The following F13A1 variants were observed in gnomAD, a reference collection of about 807,000 sequenced individuals.
F13A1 encodes FSF, A subunit.
F13A1 carries 47 observed loss-of-function variants against 80.1 expected under a neutral mutation model. That is an observed-to-expected ratio of 0.59 (90% confidence interval 0.46 to 0.75). F13A1 has a LOEUF of 0.75. Ranked by LOEUF, F13A1 falls within the 30% of genes least tolerant of loss-of-function variation. The probability of loss-of-function intolerance (pLI) is 0.00; values close to 1 mark genes in which losing one functional copy is unlikely to be tolerated. For missense variants in F13A1, 817 were observed against 930.4 expected, an observed-to-expected ratio of 0.88 and a Z score of 1.59; for synonymous variants, 349 against 344.9, an observed-to-expected ratio of 1.01 and a Z score of -0.13.
rs1757908024 is a variant in F13A1, at chr6:6,270,598, A to G, written c.320-3789T>C. The stretch of plus-strand genomic sequence containing the variant: ...TGTGAGGAAATTTTTACAGATGGGA[A>G]ACTGAGGCTTGGTGAGGGCGTCATG... On this transcript the variant is annotated intron_variant, in intron 3 of 14. Coordinates refer to ENST00000264870, the MANE Select transcript of F13A1 (RefSeq NM_000129.4). Among the ~76,000 whole-genome samples, 5 of 152,180 alleles carry G rather than the reference A, an allele frequency of 3.3e-5. No homozygotes were observed. In the South Asian group the frequency reaches 1.0e-3, roughly 32 times the overall value.
intron 8 of F13A1, among the ~76,000 whole-genome samples, chr6:6,221,386 T>A (rs1258330234): frequency 6.6e-6 from 1 of 152,186 alleles, no homozygotes; most frequent in Non-Finnish European, 1.5e-5. Flanking sequence ...TATATCTCAA[T>A]GAAAGGTGAC....
chr6:6,204,523 C>T (rs1054672464), intron 8 of F13A1, among the ~76,000 whole-genome samples: 1 of 152,204 alleles, frequency 6.6e-6, no homozygotes, highest in Non-Finnish European at 1.5e-5. Context: ...ATTCCGAATA[C>T]AGACAACAAT....
chr6:6,317,164 T>C (rs192808789), intron 2 of F13A1, among the ~76,000 whole-genome samples: 12 of 152,340 alleles, frequency 7.9e-5, no homozygotes, highest in Non-Finnish European at 1.3e-4. Context: ...AATAATTTGA[T>C]ATCTGTAGGC....
intron 10 of F13A1, among the ~76,000 whole-genome samples, chr6:6,191,095 C>A (rs62408006): frequency 2.3e-5 from 3 of 131,132 alleles, no homozygotes; most frequent in African/African-American, 8.6e-5. Flanking sequence ...GCGCACGGTG[C>A]GTGCACCCAC....
chr6:6,314,256 A>G (rs1222492765), intron 2 of F13A1, among the ~76,000 whole-genome samples: 1 of 152,098 alleles, frequency 6.6e-6, no homozygotes, highest in Admixed American at 6.5e-5. Context: ...CTGGGGTTAC[A>G]AGCATGAGCC....
chr6:6,148,156 A>G (rs1760316794), intron 14 of F13A1, among the ~76,000 whole-genome samples: 1 of 152,238 alleles, frequency 6.6e-6, no homozygotes. Context: ...AGCAAAATAA[A>G]TCTGGAAGAT....
In F13A1 at chr6:6,279,868, A is replaced by G. The variant is rs115256987; in HGVS notation, c.320-13059T>C. ...AGTTTAGCTGAATGTCTTCCAAACA[A>G]AACAGGCCAACTGATGACATTTTTG... is the stretch of plus-strand genomic sequence containing the variant. On this transcript the variant is annotated intron_variant, in intron 3 of 14. Transcript: ENST00000264870. 6.7e-3 allele frequency among the ~76,000 whole-genome samples: 1,025 copies of G among 152,360 alleles called. 12 individuals are homozygous for G. Among genetic ancestry groups the G allele is most frequent in the African/African-American group, 0.024 (981 of 41,586 alleles).
intron 3 of F13A1, among the ~76,000 whole-genome samples, chr6:6,304,885 G>C (rs1240316080): frequency 7.5e-6 from 1 of 133,044 alleles, no homozygotes; most frequent in Non-Finnish European, 1.5e-5. Context: ...AAAAAAGGGT[G>C]ATTAAAGTAC....
At chr6:6,270,449 C>T (rs1478132891) in intron 3 of F13A1, among the ~76,000 whole-genome samples, 1 of 152,178 alleles carries the variant, frequency 6.6e-6, no homozygotes, top group Non-Finnish European at 1.5e-5. Flanking sequence ...TTTTATGATT[C>T]ATGGCTAAAA....
At chr6:6,291,139 G>A (rs1320780908) in intron 3 of F13A1, among the ~76,000 whole-genome samples, 3 of 152,084 alleles carry the variant, frequency 2.0e-5, no homozygotes, top group Non-Finnish European at 4.4e-5. Context: ...GAGATTGTCA[G>A]GCATGAGGCT....
chr6:6,167,922 G>A (rs909525225), intron 12 of F13A1, among the ~76,000 whole-genome samples: 1 of 152,222 alleles, frequency 6.6e-6, no homozygotes, highest in African/African-American at 2.4e-5. Flanking sequence ...TCATGGCAAA[G>A]AAGGACCAAT....
intron 3 of F13A1, among the ~76,000 whole-genome samples, chr6:6,291,385 C>T (rs947440743): frequency 2.6e-5 from 4 of 152,116 alleles, no homozygotes; most frequent in African/African-American, 9.6e-5. Flanking sequence ...ATTGAAACAC[C>T]CCTCCTCTCA....
Position 6,266,767 on chromosome 6 carries a change from G to A in F13A1, c.362C>T (p.Pro121Leu). 1 of 1,614,184 alleles carries A rather than the reference G, an allele frequency of 6.2e-7. No homozygotes were observed. The highest frequency in any genetic ancestry group is 8.5e-7 in the Non-Finnish European group (1 of 1,180,036). ...QENKGTYIPV[P>L]IVSELQSGKW... is the part of the protein sequence containing the mutation. The stretch of plus-strand genomic sequence containing the variant: ...TCCACTTTGTAACTCTGAGACTATA[G>A]GCACTGGGATGTAGGTTCCCTTGTT... The change falls in exon 4 of 15, where the codon CCT becomes CTT. Residue 121 changes from proline to leucine, a missense_variant. Coordinates refer to ENST00000264870, the MANE Select transcript of F13A1 (RefSeq NM_000129.4).
chr6:6,259,346 A>C (rs1757747122), intron 4 of F13A1, among the ~76,000 whole-genome samples: 1 of 152,200 alleles, frequency 6.6e-6, no homozygotes, highest in African/African-American at 2.4e-5. Flanking sequence ...ATACAAAGCA[A>C]ATTGGCTAAG....
chr6:6,185,161 G>A (rs967418144), intron 10 of F13A1, among the ~76,000 whole-genome samples: 11 of 151,244 alleles, frequency 7.3e-5, no homozygotes, highest in Admixed American at 7.2e-4. Flanking sequence ...TTAAGTTCTA[G>A]GGTACATGTG....
In F13A1 at chr6:6,209,555, TC is replaced by T. The variant is rs1244643442; in HGVS notation, c.1113-12230del. On this transcript the variant is annotated intron_variant, in intron 8 of 14. Transcript: ENST00000264870. The stretch of plus-strand genomic sequence containing the variant: ...CACATAAAAACTTTTACCTGAATGT[TC>T]ATTACAACATTATTCATGAAAGCCA... Among the ~76,000 whole-genome samples the T allele has an allele frequency of 2.2e-4, 34 of 152,268 alleles. No individual in the cohort carries two copies. The East Asian group carries it at 2.9e-3, about 13-fold the overall frequency.
intron 14 of F13A1, among the ~76,000 whole-genome samples, chr6:6,148,956 G>C (rs538987555): frequency 1.3e-5 from 2 of 150,066 alleles, no homozygotes; most frequent in African/African-American, 4.9e-5. Flanking sequence ...GACATGGAAA[G>C]ACAAATACTA....
intron 6 of F13A1, among the ~76,000 whole-genome samples, chr6:6,226,534 T>C (rs1757278073): frequency 6.6e-6 from 1 of 152,210 alleles, no homozygotes; most frequent in South Asian, 2.1e-4. Flanking sequence ...TGAGCTTTTA[T>C]GTGTTTGCTG....
intron 11 of F13A1, among the ~76,000 whole-genome samples, chr6:6,176,902 T>C (rs1407028393): frequency 2.0e-5 from 3 of 152,186 alleles, no homozygotes; most frequent in Non-Finnish European, 4.4e-5. Context: ...CAGCCTGCCA[T>C]GGGTGCAGGA....
Sources: gnomAD v4.1 joint callset for allele counts (sites outside exome capture counted in the v4.1 genomes callset) on GRCh38, gnomAD v4.1.1 for gene constraint, MANE v1.5 for transcripts, NCBI Gene and HGNC (gene_info 2026-07-23, HGNC 2026-07-21) for gene names.